HERC1: variants seen among roughly 807,000 people sequenced by gnomAD.
The protein encoded by HERC1 is HECT and RLD domain containing E3 ubiquitin protein ligase family member 1, also known as probable E3 ubiquitin-protein ligase HERC1.
In HERC1, 160 loss-of-function variants were observed where a neutral mutation model predicts 554.3. That is an observed-to-expected ratio of 0.29 (90% CI 0.25 to 0.33). HERC1 has a LOEUF of 0.33. HERC1 is among the 10% of genes least tolerant of loss of function. The probability of loss-of-function intolerance (pLI) is 1.00; values close to 1 mark genes in which losing one functional copy is unlikely to be tolerated. For synonymous variants in HERC1, 2,175 were observed against 2,131.7 expected, an observed-to-expected ratio of 1.02 and a Z score of -0.56; for missense variants, 4,919 against 5,918.5, an observed-to-expected ratio of 0.83 and a Z score of 5.54.
chr15:63,661,113 G>T, intron 45 of HERC1, 88 bp from the exon 46 acceptor site: 1 of 936,440 alleles, frequency 1.1e-6, no homozygotes, highest in Non-Finnish European at 1.7e-6. Flanking sequence ...ATTTTAAGAG[G>T]TCATTAATAA....
At position 63,680,721 on chromosome 15, in the gene HERC1, C is replaced by T. The variant is rs764002570; in HGVS notation, c.6281G>A (p.Arg2094His). 3.7e-6 allele frequency: 6 copies of T among 1,612,926 alleles called. No individual in the cohort carries two copies. Among genetic ancestry groups the T allele is most frequent in the Admixed American group, 1.7e-5 (1 of 59,976 alleles). ...GTGATTAAAGTCATGTACTGGCCAG[C>T]GAGAAACTCCAACACACGTGCCTTC... ...GNEGTCVGVS[R>H]WPVHDFNHRT... Residue 2094 changes from arginine to histidine, a missense_variant, in exon 35 of 78, where the codon CGC becomes CAC. Arg to His is a conservative substitution (Grantham distance 29, BLOSUM62 0). This residue lies in a region of HERC1 where 85 missense variants were observed against 163.2 expected (regional missense o/e 0.52). Coordinates refer to ENST00000443617, the MANE Select transcript of HERC1 (RefSeq NM_003922.4). The surrounding 1 kb of genome is among the most constrained non-coding windows in gnomAD (Gnocchi z 5.8).
rs774657002 is a variant in HERC1 at position 63,661,958 on chromosome 15, C to T, written c.8965G>A (p.Val2989Ile). 43 of 1,613,960 alleles carry T rather than the reference C, an allele frequency of 2.7e-5. No homozygotes were observed. The East Asian group carries it at 5.6e-4, about 21-fold the overall frequency. Reference sequence around the variant, plus strand: ...CTCTTCATGTGCTGATTGAAGCTGACGACGCTGCATTCACACAGTTCACAC... The same window carrying T: ...CTCTTCATGTGCTGATTGAAGCTGATGACGCTGCATTCACACAGTTCACAC... ...VVCELCECSV[V>I]SFNQHMKRNH... Residue 2989 changes from valine to isoleucine, a missense_variant, in exon 45 of 78, where the codon GTC (valine) becomes ATC (isoleucine). This residue lies in a region of HERC1 where 1,963 missense variants were observed against 2,228.6 expected (regional missense o/e 0.88). Coordinates refer to ENST00000443617, the MANE Select transcript of HERC1 (RefSeq NM_003922.4).
intron 43 of HERC1, among the ~76,000 whole-genome samples, chr15:63,663,927 T>C (rs1332398900): frequency 6.6e-6 from 1 of 152,250 alleles, no homozygotes; most frequent in African/African-American, 2.4e-5. Context: ...AAATTCTGTT[T>C]TGACAAATCA....
At chr15:63,806,447 T>C (rs903317748) in intron 1 of HERC1, among the ~76,000 whole-genome samples, 18 of 152,314 alleles carry the variant, frequency 1.2e-4, no homozygotes, top group African/African-American at 4.1e-4. Context: ...TACTTTTGCT[T>C]ACACACATGT....
intron 22 of HERC1, 23 bp downstream of exon 22, chr15:63,716,279 G>T (rs746416325): frequency 1.3e-6 from 2 of 1,573,902 alleles, no homozygotes; most frequent in Non-Finnish European, 1.7e-6. Context: ...TTTGTATCTA[G>T]AAAGTAAGAA....
intron 3 of HERC1, among the ~76,000 whole-genome samples, chr15:63,760,023 G>A (rs543880970): frequency 3.9e-4 from 60 of 152,302 alleles, no homozygotes; most frequent in African/African-American, 1.4e-3. Flanking sequence ...ATCACAGCCA[G>A]TGTGGTGGCT....
intron 76 of HERC1, among the ~76,000 whole-genome samples, chr15:63,614,630 C>G (rs2067738326): frequency 6.6e-6 from 1 of 152,170 alleles, no homozygotes; most frequent in Non-Finnish European, 1.5e-5. Flanking sequence ...AGCTTCACAG[C>G]CTGAGTCCAG....
chr15:63,685,431 G>A (rs930169228), intron 34 of HERC1, among the ~76,000 whole-genome samples: 5 of 152,110 alleles, frequency 3.3e-5, no homozygotes, highest in African/African-American at 1.2e-4. Context: ...ATACCCTAAG[G>A]GATTATATTT....
chr15:63,710,686 T>C (rs1012770926), intron 24 of HERC1, among the ~76,000 whole-genome samples: 1 of 151,950 alleles, frequency 6.6e-6, no homozygotes, highest in Non-Finnish European at 1.5e-5. Flanking sequence ...AGAAGGAAAA[T>C]TGACATTTTA....
intron 54 of HERC1, among the ~76,000 whole-genome samples, chr15:63,648,592 T>C (rs1364686710): frequency 6.6e-6 from 1 of 152,234 alleles, no homozygotes; most frequent in Non-Finnish European, 1.5e-5. Context: ...TTTTTTTGCT[T>C]ATTTAATATT....
At chr15:63,678,792 C>T (rs1232183946) in intron 36 of HERC1, among the ~76,000 whole-genome samples, 1 of 152,166 alleles carries the variant, frequency 6.6e-6, no homozygotes, top group Admixed American at 6.5e-5. Flanking sequence ...AATCTGGATA[C>T]ACACTGCAAA....
Position 63,713,361 on chromosome 15 carries a change from A to C in HERC1, c.4455T>G (p.Leu1485=), listed in dbSNP as rs1157268964. The part of the protein sequence containing the change: ...PSTSASEGGG[L]MTRSESLTAE... ...TGTCTAGTCAGTCCCACCTGGTCAT[A>C]AGTCCACCCCCTTCAGAGGCACTTG... Residue 1485 remains leucine, a synonymous_variant, in exon 23 of 78, where the codon CTT becomes CTG. Coordinates refer to ENST00000443617, the MANE Select transcript of HERC1 (RefSeq NM_003922.4). 6.2e-7 allele frequency: 1 copy of C among 1,613,458 alleles called. No individual in the cohort carries two copies. The highest frequency in any genetic ancestry group is 1.1e-5 in the South Asian group (1 of 91,072).
chr15:63,789,911 C>G (rs1567130397), intron 1 of HERC1, among the ~76,000 whole-genome samples: 2 of 151,768 alleles, frequency 1.3e-5, no homozygotes, highest in African/African-American at 4.8e-5. Context: ...AAGAATCCAG[C>G]TAAATACTAG....
At position 63,755,214 on chromosome 15, in the gene HERC1, T is replaced by C. The variant is rs1165438264; in HGVS notation, c.1630+15A>G. On this transcript the variant is annotated intron_variant, in intron 6 of 77. Coordinates refer to ENST00000443617, the MANE Select transcript of HERC1 (RefSeq NM_003922.4). ...ATTTTCTAGAAGAATAACTTACATT[T>C]TTAAAAAATCTTACCTAATCTTCCA... is the stretch of plus-strand genomic sequence containing the variant. The C allele has an allele frequency of 6.4e-7, 1 of 1,565,256 alleles. No homozygotes were observed. Among genetic ancestry groups the C allele is most frequent in the Non-Finnish European group, 8.8e-7 (1 of 1,136,368 alleles).
intron 1 of HERC1, among the ~76,000 whole-genome samples, chr15:63,776,445 G>A (rs769213759): frequency 2.6e-5 from 4 of 152,136 alleles, no homozygotes; most frequent in Non-Finnish European, 5.9e-5. Context: ...AAAGGTGGCT[G>A]GCAGTTTCTC....
At chr15:63,620,368 A>T (rs2068021226) in intron 74 of HERC1, among the ~76,000 whole-genome samples, 1 of 151,938 alleles carries the variant, frequency 6.6e-6, no homozygotes, top group Non-Finnish European at 1.5e-5. Context: ...ACAGTTTGTT[A>T]TAATTTCTGT....
intron 1 of HERC1, among the ~76,000 whole-genome samples, chr15:63,809,282 A>G (rs556378103): frequency 2.6e-5 from 4 of 152,200 alleles, no homozygotes; most frequent in African/African-American, 9.6e-5. Context: ...ACCAAGGGTC[A>G]GTCCTATTTG....
In HERC1 at chr15:63,790,282, T is replaced by C. The variant is rs776563933; in HGVS notation, c.-26-14633A>G. ...TTGGTTGTAGAAATGGAGATGTATG[T>C]AAAAGTACTTTTTAGGCTAGGCGCG... On this transcript the variant is annotated intron_variant, in intron 1 of 77. Transcript: ENST00000443617. Among the ~76,000 whole-genome samples the C allele has an allele frequency of 4.5e-4, 68 of 152,178 alleles. 1 individual carries two copies. Among genetic ancestry groups the C allele is most frequent in the Non-Finnish European group, 9.0e-4 (61 of 68,028 alleles).
At position 63,680,145 on chromosome 15, in the gene HERC1, A is replaced by G; in HGVS notation, c.6481T>C (p.Phe2161Leu). The G allele has an allele frequency of 1.2e-6, 2 of 1,613,276 alleles. No individual in the cohort carries two copies. Among genetic ancestry groups the G allele is most frequent in the Non-Finnish European group, 1.7e-6 (2 of 1,179,480 alleles). Reference sequence around the variant, plus strand: ...AACTCTGCTGCATCCACATCTTCAAAAGCTAATTTGGGTTCCTACAGTGTG... The same window carrying G: ...AACTCTGCTGCATCCACATCTTCAAGAGCTAATTTGGGTTCCTACAGTGTG... ...GKNGEEPKLA[F>L]EDVDAAELYP... is the part of the protein sequence containing the mutation. The change falls in exon 36 of 78, where the codon TTT becomes CTT. Residue 2161 changes from phenylalanine to leucine, a missense_variant. Phe to Leu is a conservative substitution (Grantham distance 22). This residue lies in a region of HERC1 where 85 missense variants were observed against 163.2 expected (regional missense o/e 0.52). Transcript: ENST00000443617. This position sits in a 1 kb window ranked among gnomAD's most constrained non-coding sequence, Gnocchi z 5.8.
Sources: gnomAD v4.1 joint callset for allele counts (sites outside exome capture counted in the v4.1 genomes callset) on GRCh38, gnomAD v4.1.1 for gene constraint, gnomAD v4.1.1 regional missense constraint, Gnocchi (gnomAD v3.1) non-coding constraint, MANE v1.5 for transcripts, NCBI Gene and HGNC (gene_info 2026-07-23, HGNC 2026-07-21) for gene names.